The following GBP2 variants were observed in gnomAD, a reference collection of about 807,000 sequenced individuals.
GBP2 encodes guanylate binding protein 2, also known as guanylate-binding protein 2.
In GBP2, 54 loss-of-function variants were observed where a neutral mutation model predicts 60.8. The observed-to-expected ratio is 0.89, with a 90% CI of 0.71 to 1.11. The LOEUF (loss-of-function observed/expected upper bound fraction) is 1.11, where lower values mean the gene tolerates loss of function less well. Among genes scored for constraint, GBP2 ranks in the 50% most tolerant of loss-of-function variants. The pLI, the probability that GBP2 is intolerant of heterozygous loss-of-function variation, is 0.00. For missense variants in GBP2, 665 were observed against 703.3 expected, an observed-to-expected ratio of 0.95 and a Z score of 0.62; for synonymous variants, 243 against 256.5, an observed-to-expected ratio of 0.95 and a Z score of 0.50.
At chr1:89,109,934 TC>T (rs2100610999) in intron 9 of GBP2, 64 bp from the exon 10 acceptor site, 2 of 1,445,538 alleles carry the variant, frequency 1.4e-6, no homozygotes, top group Non-Finnish European at 9.4e-7. Context: ...CCTTTTCCTT[TC>T]CCTCGTTTTT....
intron 9 of GBP2, 60 bp from the exon 10 acceptor site, chr1:89,109,930 C>A: frequency 6.8e-7 from 1 of 1,460,838 alleles, no homozygotes; most frequent in East Asian, 2.3e-5. Flanking sequence ...GTTCCCTTTT[C>A]CTTTCCCTCG....
At position 89,117,760 on chromosome 1, in the gene GBP2, G is replaced by T; in HGVS notation, c.442C>A (p.Leu148Met). 1 of 1,609,834 alleles carries T rather than the reference G, an allele frequency of 6.2e-7. No homozygotes were observed. Among genetic ancestry groups the T allele is most frequent in the South Asian group, 1.1e-5 (1 of 90,524 alleles). Reference protein sequence around the residue: ...AMDQLHYVTELTDRIKANSSP... With the variant: ...AMDQLHYVTEMTDRIKANSSP... ...GAGTTTGCCTTGATTCGATCTGTCA[G>T]CTCTGTCACATAGCTGAGATGCTAA... Residue 148 changes from leucine (L) to methionine (M), a missense_variant, in exon 5 of 11, where the codon CTG (leucine) becomes ATG (methionine). By Grantham distance (15) the Leu-to-Met change is conservative (BLOSUM62 2). Transcript: ENST00000370466.
intron 8 of GBP2, 83 bp downstream of exon 8, chr1:89,112,389 A>G (rs1681184551): frequency 6.4e-6 from 7 of 1,086,776 alleles, no homozygotes; most frequent in Non-Finnish European, 9.7e-6. Context: ...CACCAGTTGC[A>G]GTGCCATTTA....
intron 4 of GBP2, 133 bp downstream of exon 4, chr1:89,120,046 C>T (rs1681368226): frequency 1.6e-6 from 1 of 640,256 alleles, no homozygotes; most frequent in South Asian, 1.9e-5. Context: ...ATGAGATGTT[C>T]AGCATAATGA....
At chr1:89,113,876 A>T in intron 7 of GBP2, 140 bp downstream of exon 7, 1 of 1,113,724 alleles carries the variant, frequency 9.0e-7, no homozygotes, top group Non-Finnish European at 1.3e-6. Context: ...GTCTAAGGCT[A>T]TGCACATTCT....
intron 4 of GBP2, chr1:89,119,305 C>A (rs934087140): frequency 3.3e-5 from 5 of 152,064 alleles, no homozygotes; most frequent in African/African-American, 4.8e-5. Context: ...ATTGGAAGAT[C>A]AAATGAGGTG....
At chr1:89,115,447 A>C (rs941035460) in intron 6 of GBP2, among the ~76,000 whole-genome samples, 1 of 152,160 alleles carries the variant, frequency 6.6e-6, no homozygotes, top group African/African-American at 2.4e-5. Context: ...TCACTGCCAA[A>C]AATTCTTCAA....
In GBP2 at chr1:89,121,647, G is replaced by A. The variant is rs1681398429; in HGVS notation, c.190+130C>T. 9 of 918,902 alleles carry A rather than the reference G, an allele frequency of 9.8e-6. No homozygotes were observed. The East Asian group carries it at 2.1e-4, about 21-fold the overall frequency. 56.9% of individuals were successfully genotyped at this position (918,902 alleles called of 1,614,324 possible). On this transcript the variant is annotated intron_variant, in intron 2 of 10. Coordinates refer to ENST00000370466, the MANE Select transcript of GBP2 (RefSeq NM_004120.5). ...TGTAATCCTCCAAAGTCAATGTAAA[G>A]AGCCCATTAATGGACTGAAAGTTAG...
intron 4 of GBP2, chr1:89,119,536 C>T (rs1681354229): frequency 6.6e-6 from 1 of 152,032 alleles, no homozygotes; most frequent in Non-Finnish European, 1.5e-5. Context: ...TTGCTAGTCT[C>T]TAAAAAGACA....
intron 10 of GBP2, among the ~76,000 whole-genome samples, chr1:89,108,713 A>C (rs1681101606): frequency 6.6e-6 from 1 of 152,116 alleles, no homozygotes; most frequent in African/African-American, 2.4e-5. Context: ...TTGATCAGGG[A>C]ATTTAGTACA....
chr1:89,109,664 T>C lies in GBP2; in HGVS notation c.1659+13A>G. ...GCACTGGAAGAGAAAATTGAGATGA[T>C]GCAATTGAATACCTGAAGTTTAAGA... On this transcript the variant is annotated intron_variant, in intron 10 of 10. Coordinates refer to ENST00000370466, the MANE Select transcript of GBP2 (RefSeq NM_004120.5). The C allele has an allele frequency of 6.2e-7, 1 of 1,610,202 alleles. No homozygotes were observed.
chr1:89,126,017 G>C lies in GBP2; in HGVS notation c.-172C>G, dbSNP rs984344737. The C allele has an allele frequency of 6.6e-6, 1 of 152,018 alleles. No individual in the cohort carries two copies. The highest frequency in any genetic ancestry group is 1.5e-5 in the Non-Finnish European group (1 of 68,040). 9.4% of individuals were successfully genotyped at this position (152,018 alleles called of 1,614,324 possible). On this transcript the variant is annotated 5_prime_UTR_variant, in exon 1 of 11. Coordinates refer to ENST00000370466, the MANE Select transcript of GBP2 (RefSeq NM_004120.5). ...TGGACTTTTACTTTACCCCTCCAAC[G>C]TCCTGGGGCTTCCTCCAACGTCCAG... is the stretch of plus-strand genomic sequence containing the variant.
intron 1 of GBP2, among the ~76,000 whole-genome samples, chr1:89,123,531 T>A (rs1183797809): frequency 6.6e-6 from 1 of 152,226 alleles, no homozygotes; most frequent in African/African-American, 2.4e-5. Flanking sequence ...TACATATAAT[T>A]TGTTTTAAAG....
At chr1:89,108,384 T>G (rs1681096367) in intron 10 of GBP2, 93 bp from the exon 11 acceptor site, 1 of 713,096 alleles carries the variant, frequency 1.4e-6, no homozygotes, top group South Asian at 1.8e-5. Flanking sequence ...CCTTCAAGAA[T>G]TTTTGACTAT....
intron 6 of GBP2, among the ~76,000 whole-genome samples, chr1:89,116,709 G>A (rs1331365563): frequency 2.0e-5 from 3 of 151,916 alleles, no homozygotes; most frequent in Admixed American, 6.6e-5. Flanking sequence ...TATCCTGGAT[G>A]TTTATTTGAT....
chr1:89,115,816 G>C (rs902419570), intron 6 of GBP2, among the ~76,000 whole-genome samples: 4 of 152,054 alleles, frequency 2.6e-5, no homozygotes, highest in Non-Finnish European at 5.9e-5. Context: ...TCCCAGGCTG[G>C]TCTTAAACTT....
rs1681407674 is a variant in GBP2 at position 89,121,904 on chromosome 1, C to T, written c.63G>A (p.Leu21=). Reference sequence around the variant, plus strand: ...TCTTCAGAGCTTCTGGATTCACCACCAGCTGCCCTTTAGTGTTATCAATGA... The same window carrying T: ...TCTTCAGAGCTTCTGGATTCACCACTAGCTGCCCTTTAGTGTTATCAATGA... ...MSLIDNTKGQ[L]VVNPEALKIL... is the part of the protein sequence containing the mutation. Residue 21 remains leucine, a synonymous_variant, in exon 2 of 11, where the codon CTG becomes CTA. Transcript: ENST00000370466. 4 of 1,613,986 alleles carry T rather than the reference C, an allele frequency of 2.5e-6. No homozygotes were observed. Among genetic ancestry groups the T allele is most frequent in the Non-Finnish European group, 2.5e-6 (3 of 1,179,996 alleles).
chr1:89,109,900 A>G (rs1557437597), intron 9 of GBP2, 30 bp from the exon 10 acceptor site: 1 of 1,576,434 alleles, frequency 6.3e-7, no homozygotes, highest in African/African-American at 1.4e-5. Flanking sequence ...AGAAAAAGAT[A>G]TGAATATTCA....
chr1:89,123,774 A>G (rs183778839), intron 1 of GBP2, among the ~76,000 whole-genome samples: 330 of 152,352 alleles, frequency 2.2e-3, no homozygotes, highest in African/African-American at 7.6e-3. Context: ...TATGCGAAAT[A>G]TCAGAGTTCT....
Sources: gnomAD v4.1 joint callset for allele counts (sites outside exome capture counted in the v4.1 genomes callset) on GRCh38, gnomAD v4.1.1 for gene constraint, MANE v1.5 for transcripts, NCBI Gene and HGNC (gene_info 2026-07-23, HGNC 2026-07-21) for gene names.